The following FAM78B variants were observed in gnomAD, a reference collection of about 807,000 sequenced individuals.
The protein encoded by FAM78B is protein FAM78B.
Under a neutral mutation model 20.0 loss-of-function variants are expected in FAM78B, and 10 were observed. The ratio of observed to expected loss-of-function variants is 0.50; its 90% CI spans 0.31 to 0.85. The LOEUF (loss-of-function observed/expected upper bound fraction) is 0.85, where lower values mean the gene tolerates loss of function less well. FAM78B is among the 40% of genes least tolerant of loss of function. FAM78B has a pLI of 0.05. For missense variants in FAM78B, 283 were observed against 345.0 expected (o/e 0.82, Z 1.42); for synonymous variants, 135 against 132.8 (o/e 1.02, Z -0.12).
chr1:166,117,364 TTTATTA>T (rs1158857465), intron 1 of FAM78B, among the ~76,000 whole-genome samples: 17 of 152,176 alleles, frequency 1.1e-4, no homozygotes, highest in Non-Finnish European at 2.2e-4. Flanking sequence ...CTTTTTTTCT[TTTATTA>T]TTATTTTTTT....
intron 1 of FAM78B, among the ~76,000 whole-genome samples, chr1:166,073,801 G>T (rs937240118): frequency 2.0e-5 from 3 of 152,136 alleles, no homozygotes; most frequent in Non-Finnish European, 4.4e-5. Flanking sequence ...TCTGCAAGGG[G>T]TGGCCCACTG....
chr1:166,126,080 C>T (rs1403625582), intron 1 of FAM78B, among the ~76,000 whole-genome samples: 8 of 152,114 alleles, frequency 5.3e-5, no homozygotes, highest in Admixed American at 5.2e-4. Context: ...GTGATCTGCC[C>T]ACCTCAGCCT....
intron 1 of FAM78B, among the ~76,000 whole-genome samples, chr1:166,084,248 C>T (rs1260480716): frequency 6.7e-6 from 1 of 150,112 alleles, no homozygotes; most frequent in East Asian, 1.9e-4. Flanking sequence ...CTCTCTCTCT[C>T]TCTCTCTCTC....
chr1:166,093,740 A>T (rs1343920115), intron 1 of FAM78B, among the ~76,000 whole-genome samples: 1 of 152,070 alleles, frequency 6.6e-6, no homozygotes, highest in Non-Finnish European at 1.5e-5. Flanking sequence ...AGCAGGTCAC[A>T]TGGGAAACAC....
At chr1:166,113,706 C>CAAG (rs1344770471) in intron 1 of FAM78B, among the ~76,000 whole-genome samples, 5 of 152,230 alleles carry the variant, frequency 3.3e-5, no homozygotes, top group Non-Finnish European at 5.9e-5. Flanking sequence ...TCCCTGAACT[C>CAAG]TCTTAAGTAT....
intron 1 of FAM78B, among the ~76,000 whole-genome samples, chr1:166,157,055 A>C (rs1655932156): frequency 7.8e-6 from 1 of 128,272 alleles, no homozygotes; most frequent in Non-Finnish European, 1.6e-5. Context: ...GGGGGCTCCA[A>C]TGCCTTCCTC....
intron 1 of FAM78B, among the ~76,000 whole-genome samples, chr1:166,081,914 A>G (rs1652597453): frequency 6.6e-6 from 1 of 152,118 alleles, no homozygotes; most frequent in Non-Finnish European, 1.5e-5. Context: ...ACCTGCTCTT[A>G]GACCAACATG....
chr1:166,138,364 A>T (rs1258293058), intron 1 of FAM78B, among the ~76,000 whole-genome samples: 1 of 151,886 alleles, frequency 6.6e-6, no homozygotes, highest in Non-Finnish European at 1.5e-5. Flanking sequence ...CCTCAATATC[A>T]CAGGGATCTC....
chr1:166,109,373 G>A (rs1178330981), intron 1 of FAM78B, among the ~76,000 whole-genome samples: 1 of 152,106 alleles, frequency 6.6e-6, no homozygotes, highest in East Asian at 1.9e-4. Context: ...ATTCTCAAAA[G>A]AGGATATACA....
rs1651930898 is a variant in FAM78B, at chr1:166,069,530, G to A, written c.*711C>T. ...CAAATACTGTGATTAAAAATACTCT[G>A]AATAAGCAATCTTTTTGGAAAGAGG... On this transcript the variant is annotated 3_prime_UTR_variant, in exon 2 of 2. Transcript: ENST00000354422. The A allele has an allele frequency of 6.6e-6, 1 of 152,154 alleles. No homozygotes were observed. Among genetic ancestry groups the A allele is most frequent in the Non-Finnish European group, 1.5e-5 (1 of 68,024 alleles). 9.4% of individuals were successfully genotyped at this position (152,154 alleles called of 1,614,324 possible). A position where few individuals can be genotyped will look rare whatever the true frequency, so the allele number is the denominator to read the frequency against.
At chr1:166,153,690 GACC>G (rs1205996214) in intron 1 of FAM78B, among the ~76,000 whole-genome samples, 1 of 152,078 alleles carries the variant, frequency 6.6e-6, no homozygotes, top group Non-Finnish European at 1.5e-5. Context: ...GGGGGAGGTG[GACC>G]ACATGACATC....
At chr1:166,160,561 G>A (rs573503144) in intron 1 of FAM78B, among the ~76,000 whole-genome samples, 4 of 152,326 alleles carry the variant, frequency 2.6e-5, no homozygotes, top group South Asian at 4.1e-4. Context: ...AAAGCACAGC[G>A]GAGTTAAACT....
At chr1:166,100,025 A>G (rs2101745928) in intron 1 of FAM78B, among the ~76,000 whole-genome samples, 1 of 152,396 alleles carries the variant, frequency 6.6e-6, no homozygotes, top group African/African-American at 2.4e-5. Flanking sequence ...AACGAGCCTC[A>G]ATAAATTTAA....
chr1:166,082,790 CT>C (rs1652633660), intron 1 of FAM78B: 2 of 152,532 alleles, frequency 1.3e-5, no homozygotes, highest in African/African-American at 4.8e-5. Context: ...ATGGGGAAGG[CT>C]CTTCTGGAGT....
rs1022822675 is a variant in FAM78B at position 166,154,484 on chromosome 1, T to G, written c.263+11502A>C. On this transcript the variant is annotated intron_variant, in intron 1 of 1. Transcript: ENST00000354422. ...GACACTGAAAACAGGCTGGACTCTC[T>G]GCTCCTGGCAACTGTGTAGACATCC... Among the ~76,000 whole-genome samples the G allele has an allele frequency of 2.0e-5, 3 of 152,368 alleles. No homozygotes were observed. In the East Asian group the frequency reaches 5.8e-4, roughly 29 times the overall value.
rs188377631 is a variant in FAM78B, at chr1:166,075,066, C to T, written c.264-4303G>A. On this transcript the variant is annotated intron_variant, in intron 1 of 1. Coordinates refer to ENST00000354422, the MANE Select transcript of FAM78B (RefSeq NM_001017961.5). ...AAGAGTGAAGACACTGCTGGCGGGG[C>T]AGGGTAGTATCGGTTTGTGGAGCAC... Among the ~76,000 whole-genome samples, 65 of 152,202 alleles carry T rather than the reference C, an allele frequency of 4.3e-4. 1 individual carries two copies. The highest frequency in any genetic ancestry group is 1.6e-3 in the African/African-American group (65 of 41,524).
At chr1:166,143,919 A>T (rs1655366924) in intron 1 of FAM78B, among the ~76,000 whole-genome samples, 1 of 152,220 alleles carries the variant, frequency 6.6e-6, no homozygotes, top group Admixed American at 6.5e-5. Flanking sequence ...GGTTGGGGGC[A>T]GGATGGGGAG....
intron 1 of FAM78B, among the ~76,000 whole-genome samples, chr1:166,112,099 G>A (rs1382612939): frequency 6.6e-6 from 1 of 152,176 alleles, no homozygotes; most frequent in Non-Finnish European, 1.5e-5. Flanking sequence ...CACTGCCCCT[G>A]CCTAAATTCT....
At chr1:166,165,856 G>T in intron 1 of FAM78B, 130 bp downstream of exon 1, 1 of 1,035,350 alleles carries the variant, frequency 9.7e-7, no homozygotes, top group Non-Finnish European at 1.4e-6. Flanking sequence ...GGAGGTGGGA[G>T]AGGAGGCGGG....
Sources: allele counts gnomAD v4.1 joint callset (sites outside exome capture counted in the v4.1 genomes callset), GRCh38; gene constraint gnomAD v4.1.1; transcripts MANE v1.5; gene names NCBI Gene and HGNC (gene_info 2026-07-23, HGNC 2026-07-21).